UBE2N: variants seen among roughly 807,000 people sequenced by gnomAD.
UBE2N encodes the protein ubiquitin conjugating enzyme E2 N.
For synonymous variants in UBE2N, 70 were observed against 69.2 expected (o/e 1.01, Z -0.06); for missense variants, 60 against 192.1 (o/e 0.31, Z 4.07).
intron 1 of UBE2N, among the ~76,000 whole-genome samples, chr12:93,441,495 C>T (rs1000499229): frequency 6.8e-6 from 1 of 146,624 alleles, no homozygotes; most frequent in African/African-American, 2.8e-5. Flanking sequence ...TCCCGCGCGC[C>T]CGCGGCCTCC....
chr12:93,411,032 G>C, intron 2 of UBE2N, 21 bp downstream of exon 2: 1 of 1,613,958 alleles, frequency 6.2e-7, no homozygotes, highest in Non-Finnish European at 8.5e-7. Flanking sequence ...AATAGCATAT[G>C]CTGATAAAGA....
intron 1 of UBE2N, among the ~76,000 whole-genome samples, chr12:93,441,533 G>C (rs1346690771): frequency 6.6e-6 from 1 of 151,922 alleles, no homozygotes; most frequent in Non-Finnish European, 1.5e-5. Context: ...AGAAGCTATG[G>C]AGGCCCGCGC....
rs564944849 is a variant in UBE2N at position 93,406,350 on chromosome 12, T to C, written c.*3689A>G. On this transcript the variant is annotated 3_prime_UTR_variant, in exon 4 of 4. Transcript: ENST00000318066. ...AGAAAAATGAGGCCTATTCCTATCA[T>C]TTCCTCGATCCAATTTAGTTCCACT... 2.6e-4 allele frequency: 39 copies of C among 148,454 alleles called. No homozygotes were observed. The highest frequency in any genetic ancestry group is 8.7e-4 in the African/African-American group (35 of 40,416). The allele number at this position is 148,454 out of a possible 1,614,324, so 9.2% of individuals were successfully genotyped here.
At chr12:93,433,664 C>T (rs768335675) in intron 1 of UBE2N, among the ~76,000 whole-genome samples, 1 of 152,272 alleles carries the variant, frequency 6.6e-6, no homozygotes, top group South Asian at 2.1e-4. Context: ...GTATAAGATA[C>T]GAATTTGGCA....
At chr12:93,434,508 AC>A (rs1878870509) in intron 1 of UBE2N, among the ~76,000 whole-genome samples, 1 of 152,236 alleles carries the variant, frequency 6.6e-6, no homozygotes, top group Non-Finnish European at 1.5e-5. Context: ...AAAAAAGAAT[AC>A]TGAACTGACT....
chr12:93,413,600 A>G (rs747968098), intron 1 of UBE2N, among the ~76,000 whole-genome samples: 7 of 152,068 alleles, frequency 4.6e-5, no homozygotes, highest in Non-Finnish European at 1.0e-4. Context: ...AGTCTTCCCC[A>G]CATCAGTTAC....
intron 1 of UBE2N, among the ~76,000 whole-genome samples, chr12:93,435,270 C>T (rs1182163207): frequency 6.6e-6 from 1 of 151,968 alleles, no homozygotes; most frequent in Non-Finnish European, 1.5e-5. Flanking sequence ...GTCAGGAGTT[C>T]GAGACCAGCC....
At chr12:93,413,721 CTG>C (rs776219341) in intron 1 of UBE2N, among the ~76,000 whole-genome samples, 18 of 152,254 alleles carry the variant, frequency 1.2e-4, no homozygotes, top group Non-Finnish European at 2.2e-4. Flanking sequence ...CATGATTGGA[CTG>C]TTTCTCACCA....
rs1877795706 is a variant in UBE2N, at chr12:93,406,071, T to TCCTGGC, written c.*3962_*3967dup. 1.3e-5 allele frequency: 2 copies of TCCTGGC among 151,880 alleles called. No individual in the cohort carries two copies. The highest frequency in any genetic ancestry group is 4.8e-5 in the African/African-American group (2 of 41,326). 9.4% of individuals were successfully genotyped at this position (151,880 alleles called of 1,614,324 possible). The stretch of plus-strand genomic sequence containing the variant: ...TCACGAGGTCAGGAGATGGAGACCA[T>TCCTGGC]CCTGGCCCAACATGGTGAAACCCCG... On this transcript the variant is annotated 3_prime_UTR_variant, in exon 4 of 4. Transcript: ENST00000318066.
intron 1 of UBE2N, among the ~76,000 whole-genome samples, chr12:93,440,024 T>G (rs574612801): frequency 6.6e-6 from 1 of 152,332 alleles, no homozygotes; most frequent in South Asian, 2.1e-4. Flanking sequence ...TCCACAGAAT[T>G]TATTTTTTCA....
chr12:93,427,936 G>C (rs1239945942), intron 1 of UBE2N, among the ~76,000 whole-genome samples: 1 of 152,148 alleles, frequency 6.6e-6, no homozygotes, highest in Non-Finnish European at 1.5e-5. Context: ...AGTTTTTTGA[G>C]ATAGGATCTT....
At chr12:93,410,100 A>G (rs1186755390) in intron 3 of UBE2N, 21 bp from the exon 4 acceptor site, 2 of 1,610,518 alleles carry the variant, frequency 1.2e-6, no homozygotes, top group Non-Finnish European at 1.7e-6. Context: ...AAACAAACAT[A>G]CGATTATTAT....
At chr12:93,418,821 G>A (rs1402725064) in intron 1 of UBE2N, among the ~76,000 whole-genome samples, 2 of 152,148 alleles carry the variant, frequency 1.3e-5, no homozygotes, top group African/African-American at 4.8e-5. Flanking sequence ...AAATCAGTAT[G>A]AAATTAATGA....
At chr12:93,429,303 C>A in intron 1 of UBE2N, 1 of 418,658 alleles carries the variant, frequency 2.4e-6, no homozygotes, top group Non-Finnish European at 4.6e-6. Flanking sequence ...AAACACAAAA[C>A]TCAACTTGAT....
intron 1 of UBE2N, among the ~76,000 whole-genome samples, chr12:93,412,241 C>T (rs192356310): frequency 1.3e-5 from 2 of 152,324 alleles, no homozygotes; most frequent in East Asian, 1.9e-4. Context: ...TCTCTTCTCT[C>T]TTCAAACCTC....
chr12:93,426,983 G>A (rs984081369), intron 1 of UBE2N, among the ~76,000 whole-genome samples: 1 of 151,596 alleles, frequency 6.6e-6, no homozygotes, highest in Non-Finnish European at 1.5e-5. Context: ...GCAGTGGCAC[G>A]ATCTCGGCTC....
chr12:93,424,059 G>T lies in UBE2N; in HGVS notation c.31-12760C>A, dbSNP rs573507145. Among the ~76,000 whole-genome samples, 874 of 151,438 alleles carry T rather than the reference G, an allele frequency of 5.8e-3. 6 individuals carry two copies. The highest frequency in any genetic ancestry group is 0.02 in the African/African-American group (825 of 40,952). On this transcript the variant is annotated intron_variant, in intron 1 of 3. Coordinates refer to ENST00000318066, the MANE Select transcript of UBE2N (RefSeq NM_003348.4). The stretch of plus-strand genomic sequence containing the variant: ...CAATTAACATTCTAGAATGTTTTTT[G>T]TTGTTGTTGTTCTGATAAAGACAAA...
chr12:93,417,708 A>AT (rs915352773), intron 1 of UBE2N, among the ~76,000 whole-genome samples: 1 of 152,246 alleles, frequency 6.6e-6, no homozygotes, highest in African/African-American at 2.4e-5. Context: ...CTGAAAAATA[A>AT]GTGTTAAAAA....
At chr12:93,417,717 A>T (rs983629757) in intron 1 of UBE2N, among the ~76,000 whole-genome samples, 1 of 152,216 alleles carries the variant, frequency 6.6e-6, no homozygotes, top group Non-Finnish European at 1.5e-5. Context: ...AAGTGTTAAA[A>T]AACTGAGTGA....
Sources: allele counts gnomAD v4.1 joint callset (sites outside exome capture counted in the v4.1 genomes callset), GRCh38; gene constraint gnomAD v4.1.1; transcripts MANE v1.5; gene names NCBI Gene and HGNC (gene_info 2026-07-23, HGNC 2026-07-21).